The following GRM8 variants were observed in gnomAD, a reference collection of about 807,000 sequenced individuals.
GRM8 encodes the protein glutamate metabotropic receptor 8.
Under a neutral mutation model 87.2 loss-of-function variants are expected in GRM8, and 47 were observed. The ratio of observed to expected loss-of-function variants is 0.54; its 90% confidence interval spans 0.43 to 0.69. The LOEUF is 0.69. Ranked by LOEUF, GRM8 falls within the 30% of genes least tolerant of loss-of-function variation. The pLI, the probability that GRM8 is intolerant of heterozygous loss-of-function variation, is 0.00. For synonymous variants in GRM8, 396 were observed against 404.5 expected, an observed-to-expected ratio of 0.98 and a Z score of 0.25; for missense variants, 1,019 against 1,139.2, an observed-to-expected ratio of 0.89 and a Z score of 1.52.
chr7:127,131,979 T>C (rs1420513186), intron 2 of GRM8, among the ~76,000 whole-genome samples: 3 of 152,090 alleles, frequency 2.0e-5, no homozygotes, highest in Admixed American at 2.0e-4. Context: ...AAATAAAGAG[T>C]AGCCATTTAA....
At chr7:127,185,072 C>T (rs530715395) in intron 2 of GRM8, among the ~76,000 whole-genome samples, 240 of 151,950 alleles carry the variant, frequency 1.6e-3, no homozygotes, top group Admixed American at 6.2e-3. Flanking sequence ...CAAAGCAATC[C>T]AAATCAAAAT....
intron 9 of GRM8, among the ~76,000 whole-genome samples, chr7:126,456,484 CTT>C (rs1679396875): frequency 8.8e-6 from 1 of 113,010 alleles, no homozygotes; most frequent in Non-Finnish European, 1.7e-5. Context: ...TCCCTTGAGA[CTT>C]TGCTGAATCC....
intron 7 of GRM8, among the ~76,000 whole-genome samples, chr7:126,704,649 G>A (rs1810296859): frequency 6.6e-6 from 1 of 152,080 alleles, no homozygotes; most frequent in Non-Finnish European, 1.5e-5. Flanking sequence ...ATAGGTCTCT[G>A]AAATGGACCC....
intron 3 of GRM8, among the ~76,000 whole-genome samples, chr7:127,101,329 C>T (rs911271151): frequency 8.5e-5 from 13 of 152,088 alleles, no homozygotes; most frequent in African/African-American, 3.1e-4. Context: ...GATAGATCCC[C>T]CTCTCCTCAG....
intron 8 of GRM8, among the ~76,000 whole-genome samples, chr7:126,578,634 G>T (rs1392090728): frequency 2.6e-5 from 4 of 152,098 alleles, no homozygotes; most frequent in African/African-American, 9.7e-5. Context: ...TGCTGCAGAG[G>T]TGTACTCTAG....
At chr7:126,439,562 C>T (rs1326822297) in intron 10 of GRM8, among the ~76,000 whole-genome samples, 1 of 152,100 alleles carries the variant, frequency 6.6e-6, no homozygotes, top group Non-Finnish European at 1.5e-5. Flanking sequence ...ATAATGATAA[C>T]AAATGACTAT....
chr7:126,603,612 T>A (rs1441966075), intron 8 of GRM8, among the ~76,000 whole-genome samples: 1 of 152,098 alleles, frequency 6.6e-6, no homozygotes, highest in African/African-American at 2.4e-5. Flanking sequence ...AGAGTGGCAT[T>A]TAAAGTTCTA....
chr7:127,109,319 A>T (rs959888205), intron 2 of GRM8, among the ~76,000 whole-genome samples: 3 of 151,994 alleles, frequency 2.0e-5, no homozygotes, highest in Non-Finnish European at 4.4e-5. Context: ...CAGTTCCCCC[A>T]TCCTTTAAAA....
chr7:126,451,335 C>A (rs1802594733), intron 9 of GRM8, among the ~76,000 whole-genome samples: 2 of 151,686 alleles, frequency 1.3e-5, no homozygotes, highest in Admixed American at 6.6e-5. Context: ...GTCTTTTACT[C>A]CTTTTTTATA....
intron 2 of GRM8, among the ~76,000 whole-genome samples, chr7:127,235,189 C>CTCTTAAGATG (rs1170431816): frequency 6.6e-6 from 1 of 152,198 alleles, no homozygotes; most frequent in Non-Finnish European, 1.5e-5. Context: ...TAAAAGCACG[C>CTCTTAAGATG]TCTTAAGATG....
At chr7:126,472,746 C>T (rs1201050299) in intron 9 of GRM8, among the ~76,000 whole-genome samples, 1 of 152,184 alleles carries the variant, frequency 6.6e-6, no homozygotes, top group Non-Finnish European at 1.5e-5. Context: ...CATCACAGGC[C>T]TGGAGGCCTG....
rs1219804147 is a variant in GRM8 at position 126,685,486 on chromosome 7, A to C, written c.1358-75988T>G. On this transcript the variant is annotated intron_variant, in intron 7 of 10. Transcript: ENST00000339582. This position sits in a 1 kb window ranked among gnomAD's most constrained non-coding sequence, Gnocchi z 4.2. ...GGCATCTCTGTGTTCCTGGGGGCCC[A>C]GGAAGGCCCCTCTGACCCCTGCAGG... Among the ~76,000 whole-genome samples, 1 of 152,122 alleles carries C rather than the reference A, an allele frequency of 6.6e-6. No homozygotes were observed. The highest frequency in any genetic ancestry group is 1.5e-5 in the Non-Finnish European group (1 of 68,002).
intron 3 of GRM8, among the ~76,000 whole-genome samples, chr7:126,927,171 C>A (rs1450036963): frequency 6.6e-6 from 1 of 152,126 alleles, no homozygotes; most frequent in Non-Finnish European, 1.5e-5. Flanking sequence ...GGTCTCACTC[C>A]ATCACCCAGG....
At chr7:127,248,914 A>T (rs188847509) in intron 1 of GRM8, among the ~76,000 whole-genome samples, 121 of 152,312 alleles carry the variant, frequency 7.9e-4, no homozygotes, top group Non-Finnish European at 1.2e-3. Context: ...TGGAACTACC[A>T]TGCCTGACCT....
At chr7:126,825,744 A>C (rs2130276555) in intron 6 of GRM8, among the ~76,000 whole-genome samples, 1 of 152,276 alleles carries the variant, frequency 6.6e-6, no homozygotes, top group South Asian at 2.1e-4. Context: ...TTATACTTTA[A>C]GTTTTAGGGT....
chr7:126,921,279 A>G (rs935666492), intron 3 of GRM8, among the ~76,000 whole-genome samples: 1 of 152,152 alleles, frequency 6.6e-6, no homozygotes, highest in Non-Finnish European at 1.5e-5. Context: ...GAAATATCTC[A>G]ATAGATAAGG....
At chr7:126,706,007 T>A (rs760775688) in intron 7 of GRM8, among the ~76,000 whole-genome samples, 1 of 152,130 alleles carries the variant, frequency 6.6e-6, no homozygotes, top group Non-Finnish European at 1.5e-5. Context: ...GAATTTTAGA[T>A]AAAAGTACCA....
In GRM8 at chr7:126,595,448, G is replaced by A. The variant is rs143352620; in HGVS notation, c.1494+13914C>T. On this transcript the variant is annotated intron_variant, in intron 8 of 10. Coordinates refer to ENST00000339582, the MANE Select transcript of GRM8 (RefSeq NM_000845.3). ...ATTTTATTATTTTATTATTTATTTT[G>A]TAGAGATGGGGTTTTGTCATGTTGC... Among the ~76,000 whole-genome samples the A allele has an allele frequency of 3.4e-3, 495 of 146,262 alleles. 9 individuals carry two copies. The East Asian group carries it at 0.057, about 17-fold the overall frequency.
intron 7 of GRM8, among the ~76,000 whole-genome samples, chr7:126,745,629 A>G (rs895993079): frequency 6.6e-6 from 1 of 151,704 alleles, no homozygotes; most frequent in Admixed American, 6.6e-5. Context: ...CACTAGGCAT[A>G]AAATGTGAAT....
Sources: gnomAD v4.1 joint callset for allele counts (sites outside exome capture counted in the v4.1 genomes callset) on GRCh38, gnomAD v4.1.1 for gene constraint, Gnocchi (gnomAD v3.1) non-coding constraint, MANE v1.5 for transcripts, NCBI Gene and HGNC (gene_info 2026-07-23, HGNC 2026-07-21) for gene names.